EPHA6: variants seen among roughly 807,000 people sequenced by gnomAD.
EPHA6 encodes ephrin type-A receptor 6.
In EPHA6, 50 loss-of-function variants were observed where a neutral mutation model predicts 112.0. The observed-to-expected ratio is 0.45, with a 90% CI of 0.36 to 0.56. The LOEUF (loss-of-function observed/expected upper bound fraction) is 0.56, where lower values mean the gene tolerates loss of function less well. Ranked by LOEUF, EPHA6 falls within the 20% of genes least tolerant of loss-of-function variation. The pLI is 0.00. For synonymous variants in EPHA6, 529 were observed against 490.7 expected (o/e 1.08, Z -1.03); for missense variants, 1,280 against 1,417.4 (o/e 0.90, Z 1.56).
intron 2 of EPHA6, among the ~76,000 whole-genome samples, chr3:96,899,251 A>G (rs188852533): frequency 2.0e-5 from 3 of 152,168 alleles, no homozygotes; most frequent in East Asian, 3.9e-4. Flanking sequence ...CTCCATCTTT[A>G]CATGTCCATC....
chr3:97,641,081 A>ATGCT (rs1274783011), intron 14 of EPHA6, among the ~76,000 whole-genome samples: 2 of 152,218 alleles, frequency 1.3e-5, no homozygotes, highest in Non-Finnish European at 2.9e-5. Flanking sequence ...TTAAATGGAG[A>ATGCT]TGCTGTTAAT....
chr3:97,257,295 C>A lies in EPHA6; in HGVS notation c.1606+13008C>A, dbSNP rs76562823. ...TGGCTTTAATGGGAATTTCATACAT[C>A]AAAATTTATTATAAACAAAATGAAA... is the stretch of plus-strand genomic sequence containing the variant. On this transcript the variant is annotated intron_variant, in intron 5 of 17. Transcript: ENST00000389672. Among the ~76,000 whole-genome samples the A allele has an allele frequency of 5.6e-3, 850 of 151,518 alleles. 10 individuals are homozygous for A. The highest frequency in any genetic ancestry group is 0.019 in the African/African-American group (803 of 41,386).
intron 10 of EPHA6, among the ~76,000 whole-genome samples, chr3:97,531,451 C>T (rs970953027): frequency 1.3e-5 from 2 of 151,972 alleles, no homozygotes; most frequent in Non-Finnish European, 2.9e-5. Flanking sequence ...CTTTTATGCA[C>T]ACTGTCTTGA....
chr3:97,072,408 GAAGACACATGAAGAACATCATCTATAACT>G (rs2046388813), intron 3 of EPHA6, among the ~76,000 whole-genome samples: 1 of 152,050 alleles, frequency 6.6e-6, no homozygotes, highest in South Asian at 2.1e-4. Context: ...AAGACAATGT[GAAGACACATGAAGAACATCATCTATAACT>G]AAGAAACTAG....
chr3:97,600,196 A>G (rs1418998457), intron 12 of EPHA6, among the ~76,000 whole-genome samples: 3 of 150,410 alleles, frequency 2.0e-5, no homozygotes, highest in East Asian at 2.0e-4. Flanking sequence ...TAGATATACA[A>G]TCATGTCGTC....
chr3:96,881,266 A>G (rs1341955667), intron 2 of EPHA6, among the ~76,000 whole-genome samples: 4 of 152,156 alleles, frequency 2.6e-5, no homozygotes, highest in Non-Finnish European at 4.4e-5. Flanking sequence ...CACTGCTGTT[A>G]AAGACATACC....
intron 3 of EPHA6, among the ~76,000 whole-genome samples, chr3:97,165,785 T>C (rs139458183): frequency 0.021 from 3,128 of 152,246 alleles, 45 homozygotes; most frequent in Non-Finnish European, 0.029. Context: ...ATATGGGAAG[T>C]AGAAGTAAAT....
intron 2 of EPHA6, among the ~76,000 whole-genome samples, chr3:96,877,788 G>C (rs767800906): frequency 6.6e-6 from 1 of 151,726 alleles, no homozygotes; most frequent in Admixed American, 6.6e-5. Context: ...TAAATATAAT[G>C]CTTAACTTAG....
rs547529762 is a variant in EPHA6 at position 97,541,049 on chromosome 3, T to C, written c.2386+8506T>C. Among the ~76,000 whole-genome samples the C allele has an allele frequency of 2.6e-5, 4 of 152,310 alleles. No homozygotes were observed. The South Asian group carries it at 6.2e-4, about 24-fold the overall frequency. ...CTTCACCAAGTTTCTAATGGTCTTA[T>C]GTAGGGCTGGATAAAAACCGGTAAA... On this transcript the variant is annotated intron_variant, in intron 11 of 17. Coordinates refer to ENST00000389672, the MANE Select transcript of EPHA6 (RefSeq NM_001080448.3).
intron 11 of EPHA6, among the ~76,000 whole-genome samples, chr3:97,547,111 G>A (rs902881658): frequency 6.6e-6 from 1 of 152,204 alleles, no homozygotes; most frequent in Non-Finnish European, 1.5e-5. Flanking sequence ...GTGGTGAGGA[G>A]CTGCATTCCT....
At chr3:97,021,795 G>A (rs1426610149) in intron 3 of EPHA6, among the ~76,000 whole-genome samples, 1 of 152,108 alleles carries the variant, frequency 6.6e-6, no homozygotes, top group Non-Finnish European at 1.5e-5. Flanking sequence ...TCACATTGGG[G>A]GTTAGAGTTT....
At chr3:97,383,642 A>G (rs2085884415) in intron 5 of EPHA6, among the ~76,000 whole-genome samples, 1 of 152,056 alleles carries the variant, frequency 6.6e-6, no homozygotes, top group Non-Finnish European at 1.5e-5. Flanking sequence ...CATTCCCCCA[A>G]AGTATTTCTA....
intron 15 of EPHA6, among the ~76,000 whole-genome samples, chr3:97,722,140 A>G (rs1433036393): frequency 6.6e-6 from 1 of 152,166 alleles, no homozygotes; most frequent in East Asian, 1.9e-4. Context: ...TCTTGTCTTA[A>G]CCAGTTCCCA....
At chr3:97,078,361 G>A (rs912673168) in intron 3 of EPHA6, among the ~76,000 whole-genome samples, 11 of 152,028 alleles carry the variant, frequency 7.2e-5, no homozygotes, top group Non-Finnish European at 1.3e-4. Context: ...TCACTTTGAT[G>A]GTAGTTTCTT....
At chr3:97,163,878 G>C (rs1346891616) in intron 3 of EPHA6, among the ~76,000 whole-genome samples, 1 of 152,202 alleles carries the variant, frequency 6.6e-6, no homozygotes, top group African/African-American at 2.4e-5. Context: ...TAGACACCCT[G>C]AAAAAGCTGG....
chr3:97,464,385 G>A (rs1471977146), intron 7 of EPHA6, among the ~76,000 whole-genome samples: 2 of 152,058 alleles, frequency 1.3e-5, no homozygotes, highest in African/African-American at 4.8e-5. Flanking sequence ...TGAGTGCTTA[G>A]AATGTAAATT....
At chr3:97,230,271 A>G (rs1421081218) in intron 4 of EPHA6, among the ~76,000 whole-genome samples, 1 of 152,160 alleles carries the variant, frequency 6.6e-6, no homozygotes. Flanking sequence ...ATAATTGAGA[A>G]GGCTTAGAGT....
chr3:97,144,338 A>T (rs1055834814), intron 3 of EPHA6, among the ~76,000 whole-genome samples: 1 of 151,608 alleles, frequency 6.6e-6, no homozygotes, highest in Admixed American at 6.6e-5. Flanking sequence ...ATTTATTTAT[A>T]TTTACAACTT....
rs6764425 is a variant in EPHA6, at chr3:97,014,181, C to T, written c.1114+26188C>T. The stretch of plus-strand genomic sequence containing the variant: ...CAGATAGAGAAAGAGATAAAAAGAG[C>T]GATAGATAGGTCAATAGATATCCAA... On this transcript the variant is annotated intron_variant, in intron 3 of 17. Transcript: ENST00000389672. 5.3e-3 allele frequency among the ~76,000 whole-genome samples: 806 copies of T among 151,980 alleles called. 6 individuals are homozygous for T. Among genetic ancestry groups the T allele is most frequent in the African/African-American group, 0.018 (726 of 41,440 alleles).
Sources: allele counts gnomAD v4.1 joint callset (sites outside exome capture counted in the v4.1 genomes callset), GRCh38; gene constraint gnomAD v4.1.1; transcripts MANE v1.5; gene names NCBI Gene and HGNC (gene_info 2026-07-23, HGNC 2026-07-21).